Variants in DIAPH3 observed in about 807,000 individuals in gnomAD.
The protein encoded by DIAPH3 is protein diaphanous homolog 3.
A neutral mutation model predicts 144.3 loss-of-function variants in DIAPH3; 117 were observed. The ratio of observed to expected loss-of-function variants is 0.81; its 90% confidence interval spans 0.70 to 0.95. The LOEUF is 0.95. DIAPH3 is among the 40% of genes least tolerant of loss of function. DIAPH3 has a pLI of 0.00. For synonymous variants in DIAPH3, 519 were observed against 488.9 expected, an observed-to-expected ratio of 1.06 and a Z score of -0.81; for missense variants, 1,421 against 1,412.7, an observed-to-expected ratio of 1.01 and a Z score of -0.09.
intron 27 of DIAPH3, among the ~76,000 whole-genome samples, chr13:59,718,208 A>G (rs2035156878): frequency 6.6e-6 from 1 of 151,992 alleles, no homozygotes; most frequent in Non-Finnish European, 1.5e-5. Flanking sequence ...GTGAGGAAAA[A>G]GCTCAGACTT....
At chr13:60,021,515 T>G (rs1210115493) in intron 5 of DIAPH3, among the ~76,000 whole-genome samples, 1 of 151,772 alleles carries the variant, frequency 6.6e-6, no homozygotes, top group African/African-American at 2.4e-5. Context: ...TCCCAGCTAC[T>G]TGGGAGGCTG....
chr13:59,962,232 T>C (rs1052212312), intron 17 of DIAPH3, among the ~76,000 whole-genome samples: 1 of 152,198 alleles, frequency 6.6e-6, no homozygotes, highest in Non-Finnish European at 1.5e-5. Flanking sequence ...AAAGACCCCA[T>C]TGACAGTCAA....
At chr13:59,801,698 G>C (rs1172694496) in intron 25 of DIAPH3, among the ~76,000 whole-genome samples, 1 of 152,102 alleles carries the variant, frequency 6.6e-6, no homozygotes, top group South Asian at 2.1e-4. Context: ...CTGTGTTAAG[G>C]CTGCCCTCAT....
chr13:60,039,164 T>C lies in DIAPH3; in HGVS notation c.626+3526A>G, dbSNP rs377182102. ...AGCATACTGATTTTCACATAATTCA[T>C]AGAGAGTAAAAGGCTGACATGGCTC... On this transcript the variant is annotated intron_variant, in intron 5 of 27. Coordinates refer to ENST00000400324, the MANE Select transcript of DIAPH3 (RefSeq NM_001042517.2). Among the ~76,000 whole-genome samples the C allele has an allele frequency of 2.3e-3, 343 of 152,136 alleles. 2 individuals carry two copies. The highest frequency in any genetic ancestry group is 7.5e-3 in the African/African-American group (313 of 41,514).
intron 4 of DIAPH3, among the ~76,000 whole-genome samples, chr13:60,065,686 T>C (rs1238931464): frequency 6.6e-6 from 1 of 152,232 alleles, no homozygotes; most frequent in Non-Finnish European, 1.5e-5. Context: ...GGAGTTGATC[T>C]TTAAAAAATT....
At chr13:60,032,908 T>A (rs1331304514) in intron 5 of DIAPH3, among the ~76,000 whole-genome samples, 1 of 152,194 alleles carries the variant, frequency 6.6e-6, no homozygotes. Context: ...AAATATAAAT[T>A]TCTTTGCTCC....
intron 5 of DIAPH3, among the ~76,000 whole-genome samples, chr13:60,036,422 G>GT (rs919280820): frequency 2.3e-4 from 35 of 150,132 alleles, no homozygotes; most frequent in South Asian, 4.2e-4. Context: ...ATGTTGTTGT[G>GT]TTTTTTTTTC....
chr13:59,970,947 G>A lies in DIAPH3; in HGVS notation c.1864C>T (p.Gln622Ter). Reference protein sequence around the residue: ...PPPPLGFLGGQNSPPLPILPF... With the variant: ...PPPPLGFLGG ...AGGATTGGTAGAGGAGGAGAATTTT[G>A]TCCTCCAAGGAATCCCAGGGGAGGT... The change falls in exon 16 of 28, where the codon CAA becomes TAA. Residue 622 changes from glutamine to a stop codon, truncating the protein, a stop_gained. Transcript: ENST00000400324. LOFTEE classifies it high-confidence loss of function. The A allele has an allele frequency of 6.2e-7, 1 of 1,613,824 alleles. No homozygotes were observed. The highest frequency in any genetic ancestry group is 8.5e-7 in the Non-Finnish European group (1 of 1,179,934).
chr13:59,915,883 AC>A (rs1311350319), intron 19 of DIAPH3, among the ~76,000 whole-genome samples: 3 of 152,140 alleles, frequency 2.0e-5, no homozygotes, highest in Admixed American at 2.0e-4. Context: ...TATAACAAAA[AC>A]AAAAATGTAA....
chr13:59,735,112 AT>A (rs141064680), intron 27 of DIAPH3, among the ~76,000 whole-genome samples: 6,628 of 151,846 alleles, frequency 0.044, 235 homozygotes, highest in South Asian at 0.11. Context: ...GAAAAACAGA[AT>A]TTTTTTTTAC....
intron 1 of DIAPH3, among the ~76,000 whole-genome samples, chr13:60,143,282 T>C (rs1220596330): frequency 1.3e-5 from 2 of 152,090 alleles, no homozygotes; most frequent in Non-Finnish European, 2.9e-5. Flanking sequence ...TGTGGCACAA[T>C]AGAGCAGTAC....
chr13:59,762,730 G>T (rs2037666808), intron 27 of DIAPH3, among the ~76,000 whole-genome samples: 1 of 151,824 alleles, frequency 6.6e-6, no homozygotes, highest in Non-Finnish European at 1.5e-5. Flanking sequence ...ATTTTCCCCT[G>T]ATCTTCCCTG....
chr13:59,900,366 C>T (rs1593895558), intron 20 of DIAPH3, among the ~76,000 whole-genome samples: 1 of 152,246 alleles, frequency 6.6e-6, no homozygotes, highest in Middle Eastern at 3.4e-3. Context: ...CACAGACACA[C>T]GTTGTCATGG....
intron 17 of DIAPH3, among the ~76,000 whole-genome samples, chr13:59,944,958 C>G (rs912572739): frequency 2.0e-5 from 3 of 152,078 alleles, no homozygotes; most frequent in Non-Finnish European, 4.4e-5. Context: ...GCCAGCAACA[C>G]CATCATCAAC....
chr13:59,935,037 C>A (rs2048199926), intron 17 of DIAPH3, among the ~76,000 whole-genome samples: 1 of 152,170 alleles, frequency 6.6e-6, no homozygotes, highest in Non-Finnish European at 1.5e-5. Context: ...GACTCTTGAA[C>A]AACACGTGCT....
chr13:59,726,232 C>T (rs926684550), intron 27 of DIAPH3, among the ~76,000 whole-genome samples: 4 of 152,000 alleles, frequency 2.6e-5, no homozygotes, highest in African/African-American at 9.7e-5. Flanking sequence ...GTCTGTGTGT[C>T]CATGTGTGTT....
chr13:60,143,851 G>A (rs1400564305), intron 1 of DIAPH3, among the ~76,000 whole-genome samples: 1 of 152,196 alleles, frequency 6.6e-6, no homozygotes, highest in Non-Finnish European at 1.5e-5. Flanking sequence ...CCCAGAGCCA[G>A]CATGTTGCCA....
intron 22 of DIAPH3, among the ~76,000 whole-genome samples, chr13:59,847,543 A>C (rs943899840): frequency 6.6e-6 from 1 of 152,230 alleles, no homozygotes; most frequent in Admixed American, 6.5e-5. Context: ...TTTACCTATA[A>C]GATTTCAGAA....
chr13:60,009,283 C>T (rs566498567), intron 8 of DIAPH3, among the ~76,000 whole-genome samples: 1 of 152,098 alleles, frequency 6.6e-6, no homozygotes, highest in Non-Finnish European at 1.5e-5. Context: ...GCTCACAGTT[C>T]GTGGACATGG....
Sources: gnomAD v4.1 joint callset for allele counts (sites outside exome capture counted in the v4.1 genomes callset) on GRCh38, gnomAD v4.1.1 for gene constraint, MANE v1.5 for transcripts, NCBI Gene and HGNC (gene_info 2026-07-23, HGNC 2026-07-21) for gene names.